MEP1A: variants seen among roughly 807,000 people sequenced by gnomAD.
MEP1A encodes meprin A subunit alpha.
In MEP1A, 68 loss-of-function variants were observed where a neutral mutation model predicts 84.5. The ratio of observed to expected loss-of-function variants is 0.80; its 90% confidence interval spans 0.66 to 0.98. The LOEUF (loss-of-function observed/expected upper bound fraction) is 0.98. Ranked by LOEUF, MEP1A falls within the 50% of genes least tolerant of loss-of-function variation. The probability of loss-of-function intolerance (pLI) is 0.00; values close to 1 mark genes in which losing one functional copy is unlikely to be tolerated. For missense variants in MEP1A, 887 were observed against 919.9 expected (o/e 0.96, Z 0.46); for synonymous variants, 337 against 336.8 (o/e 1.00, Z -0.01).
At chr6:46,810,015 T>A (rs2150745292) in intron 6 of MEP1A, among the ~76,000 whole-genome samples, 1 of 152,138 alleles carries the variant, frequency 6.6e-6, no homozygotes, top group East Asian at 1.9e-4. Flanking sequence ...GTAGTTCTAC[T>A]TTTAGTTCTT....
chr6:46,815,000 G>A (rs925610863), intron 6 of MEP1A, among the ~76,000 whole-genome samples: 1 of 152,180 alleles, frequency 6.6e-6, no homozygotes, highest in Non-Finnish European at 1.5e-5. Context: ...TTTGTTTAGT[G>A]TGCTGGTTTT....
downstream of MEP1A, among the ~76,000 whole-genome samples, chr6:46,841,397 C>T (rs1303996888): frequency 6.6e-6 from 1 of 152,264 alleles, no homozygotes; most frequent in East Asian, 1.9e-4. Flanking sequence ...TTCAGCTTTT[C>T]TTTGAGCCCA....
intron 13 of MEP1A, among the ~76,000 whole-genome samples, chr6:46,837,954 C>T (rs971753825): frequency 2.3e-4 from 34 of 150,918 alleles, no homozygotes; most frequent in Non-Finnish European, 4.3e-4. Context: ...TGCAATGGCA[C>T]GATTTCAGCT....
intron 6 of MEP1A, among the ~76,000 whole-genome samples, chr6:46,813,763 A>G (rs2150746986): frequency 6.6e-6 from 1 of 152,270 alleles, no homozygotes; most frequent in East Asian, 1.9e-4. Context: ...AAATTCTCTC[A>G]GCATTTATTT....
chr6:46,813,614 T>G lies in MEP1A; in HGVS notation c.380+4077T>G, dbSNP rs1458369365. On this transcript the variant is annotated intron_variant, in intron 6 of 13. Coordinates refer to ENST00000230588, the MANE Select transcript of MEP1A (RefSeq NM_005588.3). ...GCAATTTGTTGCTTGAATATCTTGG[T>G]TTTTTTTCACTGTGTTATTGTTATA... Among the ~76,000 whole-genome samples the G allele has an allele frequency of 2.6e-5, 4 of 151,982 alleles. No individual in the cohort carries two copies. The East Asian group carries it at 5.8e-4, about 22-fold the overall frequency.
At position 46,829,500 on chromosome 6, in the gene MEP1A, T is replaced by A. The variant is rs1161635980; in HGVS notation, c.1073T>A (p.Leu358His). ...ATGACGGGAAGTCCTTCAGACAGAC[T>A]CGTTGTCTGGGTCAGGAGGGATGAC... Reference protein sequence around the residue: ...YKMTGSPSDRLVVWVRRDDST... With the variant: ...YKMTGSPSDRHVVWVRRDDST... The change falls in exon 10 of 14, where the codon CTC becomes CAC. Residue 358 changes from leucine to histidine, a missense_variant. Physicochemically the swap from Leu to His is moderately conservative, Grantham distance 99. Coordinates refer to ENST00000230588, the MANE Select transcript of MEP1A (RefSeq NM_005588.3). 3.7e-6 allele frequency: 6 copies of A among 1,614,064 alleles called. No homozygotes were observed. The highest frequency in any genetic ancestry group is 5.1e-6 in the Non-Finnish European group (6 of 1,179,926).
intron 10 of MEP1A, 116 bp from the exon 11 acceptor site, chr6:46,832,958 G>C (rs1281603302): frequency 1.6e-6 from 1 of 622,136 alleles, no homozygotes; most frequent in Non-Finnish European, 2.8e-6. Context: ...TTATAGGGCT[G>C]TTGTGAGGAT....
intron 9 of MEP1A, 28 bp from the exon 10 acceptor site, chr6:46,829,328 G>A (rs769506578): frequency 5.6e-6 from 9 of 1,593,502 alleles, no homozygotes; most frequent in Admixed American, 1.7e-5. Flanking sequence ...GAAGCCAGAC[G>A]TGTGATGTTT....
At chr6:46,824,768 A>T (rs1273652595) in intron 7 of MEP1A, among the ~76,000 whole-genome samples, 1 of 113,172 alleles carries the variant, frequency 8.8e-6, no homozygotes, top group African/African-American at 3.4e-5. Context: ...ATATATATAA[A>T]TTATGTATTT....
rs1768033141 is a variant in MEP1A at position 46,829,599 on chromosome 6, G to A, written c.1144+28G>A. On this transcript the variant is annotated intron_variant, in intron 10 of 13. Coordinates refer to ENST00000230588, the MANE Select transcript of MEP1A (RefSeq NM_005588.3). ...ACTTAGAGGCATTCACACGAGGAATGGATTGGGTTAAAATCCGGGATCCTG... is the reference window on the plus strand; with the variant it reads ...ACTTAGAGGCATTCACACGAGGAATAGATTGGGTTAAAATCCGGGATCCTG... 16 of 1,550,300 alleles carry A rather than the reference G, an allele frequency of 1.0e-5. No individual in the cohort carries two copies. In the East Asian group the frequency reaches 3.4e-4, roughly 33 times the overall value.
In MEP1A at chr6:46,830,123, G is replaced by A. The variant is rs747729456; in HGVS notation, c.1144+552G>A. 8.6e-5 allele frequency among the ~76,000 whole-genome samples: 13 copies of A among 151,682 alleles called. 1 individual carries two copies. Among genetic ancestry groups the A allele is most frequent in the South Asian group, 8.3e-4 (4 of 4,816 alleles). ...ATTAGCTGGGCATGGTGGCGCGCGC[G>A]CATGTAGTCCCAGCTACTTGAGAGG... On this transcript the variant is annotated intron_variant, in intron 10 of 13. Transcript: ENST00000230588.
chr6:46,825,293 C>G lies in MEP1A; in HGVS notation c.578C>G (p.Thr193Ser). Reference sequence around the variant, plus strand: ...ACAGGTTACCAGCACAACTTTGACACCTATGATGATAGCTTAATCACAGAC... The same window carrying G: ...ACAGGTTACCAGCACAACTTTGACAGCTATGATGATAGCTTAATCACAGAC... Reference protein sequence around the residue: ...ILSGYQHNFDTYDDSLITDLN... With the variant: ...ILSGYQHNFDSYDDSLITDLN... Residue 193 changes from threonine to serine, a missense_variant, in exon 8 of 14, where the codon ACC becomes AGC. Transcript: ENST00000230588. 1 of 1,612,588 alleles carries G rather than the reference C, an allele frequency of 6.2e-7. No homozygotes were observed.
chr6:46,836,666 A>T lies in MEP1A; in HGVS notation c.2084+1117A>T, dbSNP rs187718520. 9.7e-4 allele frequency among the ~76,000 whole-genome samples: 147 copies of T among 152,230 alleles called. 1 individual carries two copies. The highest frequency in any genetic ancestry group is 1.6e-3 in the Non-Finnish European group (109 of 68,010). On this transcript the variant is annotated intron_variant, in intron 13 of 13. Transcript: ENST00000230588. ...TGTTCTTTTTCTATTTCAGGATCCA[A>T]TTCTGGATCTCACATTACATTTAGC...
intron 3 of MEP1A, among the ~76,000 whole-genome samples, chr6:46,797,743 C>G (rs534199802): frequency 1.1e-4 from 17 of 152,194 alleles, no homozygotes; most frequent in African/African-American, 4.1e-4. Context: ...CTATTTCTTT[C>G]TCCATTTCTC....
At chr6:46,838,311 A>C (rs1300095823) in intron 13 of MEP1A, among the ~76,000 whole-genome samples, 1 of 152,152 alleles carries the variant, frequency 6.6e-6, no homozygotes, top group Non-Finnish European at 1.5e-5. Context: ...ATGAGACACT[A>C]CAAGTTATAT....
intron 6 of MEP1A, among the ~76,000 whole-genome samples, chr6:46,815,838 TAGC>T (rs1767622221): frequency 6.6e-6 from 1 of 152,090 alleles, no homozygotes; most frequent in African/African-American, 2.4e-5. Context: ...ATGCAAAAAA[TAGC>T]AGTTAAATAA....
intron 13 of MEP1A, among the ~76,000 whole-genome samples, chr6:46,835,974 C>T (rs1768208741): frequency 6.6e-6 from 1 of 152,002 alleles, no homozygotes; most frequent in Non-Finnish European, 1.5e-5. Flanking sequence ...TTACACTGTA[C>T]TATTATTACA....
intron 5 of MEP1A, among the ~76,000 whole-genome samples, chr6:46,807,569 G>GGA (rs1767367073): frequency 1.1e-3 from 19 of 17,708 alleles, no homozygotes; most frequent in African/African-American, 3.9e-3. Flanking sequence ...AGAAAGAAAG[G>GGA]AAGGAAGGAA....
downstream of MEP1A, among the ~76,000 whole-genome samples, chr6:46,840,000 T>C (rs1416666923): frequency 6.6e-6 from 1 of 150,392 alleles, no homozygotes; most frequent in Non-Finnish European, 1.5e-5. Context: ...AGATAAACTC[T>C]AGCTGGGGCA....
Sources: allele counts gnomAD v4.1 joint callset (sites outside exome capture counted in the v4.1 genomes callset), GRCh38; gene constraint gnomAD v4.1.1; transcripts MANE v1.5; gene names NCBI Gene and HGNC (gene_info 2026-07-23, HGNC 2026-07-21).